PCLO: variants seen among roughly 807,000 people sequenced by gnomAD.
PCLO encodes protein piccolo.
In PCLO, 82 loss-of-function variants were observed where a neutral mutation model predicts 427.5. That is an observed-to-expected ratio of 0.19 (90% CI 0.16 to 0.23). The LOEUF is 0.23. Among genes scored for constraint, PCLO ranks in the 10% least tolerant of loss-of-function variants. The pLI, the probability that PCLO is intolerant of heterozygous loss-of-function variation, is 1.00. For missense variants in PCLO, 6,239 were observed against 6,115.9 expected (o/e 1.02, Z -0.67); for synonymous variants, 2,357 against 2,155.4 (o/e 1.09, Z -2.59).
chr7:83,038,013 A>ATATT (rs1554382342), intron 3 of PCLO, among the ~76,000 whole-genome samples: 14 of 47,266 alleles, frequency 3.0e-4, no homozygotes, highest in Non-Finnish European at 4.0e-4. Flanking sequence ...ATATATATAT[A>ATATT]TATATATATA....
At chr7:82,803,196 A>G (rs1791394424) in intron 21 of PCLO, among the ~76,000 whole-genome samples, 1 of 152,118 alleles carries the variant, frequency 6.6e-6, no homozygotes, top group South Asian at 2.1e-4. Context: ...AAAAAGCTTA[A>G]TAGCAGTAAT....
intron 3 of PCLO, among the ~76,000 whole-genome samples, chr7:83,081,156 C>T (rs1165054672): frequency 1.3e-5 from 2 of 151,832 alleles, no homozygotes; most frequent in African/African-American, 4.8e-5. Context: ...TAATGTATTT[C>T]CAACATTTTG....
chr7:83,144,825 C>G (rs2116649506), intron 2 of PCLO, among the ~76,000 whole-genome samples: 1 of 152,214 alleles, frequency 6.6e-6, no homozygotes, highest in South Asian at 2.1e-4. Context: ...AATTACAGAA[C>G]ATGTTCACAT....
At chr7:82,831,560 T>C (rs576115906) in intron 16 of PCLO, among the ~76,000 whole-genome samples, 27 of 152,292 alleles carry the variant, frequency 1.8e-4, no homozygotes, top group Admixed American at 8.5e-4. Flanking sequence ...GAAGTGAGTG[T>C]TGTGGAACAA....
chr7:83,000,519 G>A (rs187984133), intron 3 of PCLO, among the ~76,000 whole-genome samples: 29 of 152,080 alleles, frequency 1.9e-4, no homozygotes, highest in Non-Finnish European at 3.4e-4. Context: ...ATGGATGTGC[G>A]GGATGTGGGG....
chr7:82,971,956 A>G (rs1162447543), intron 3 of PCLO, among the ~76,000 whole-genome samples: 5 of 151,752 alleles, frequency 3.3e-5, no homozygotes, highest in Non-Finnish European at 7.4e-5. Flanking sequence ...GTATAAAGCA[A>G]TAAAAGTTTA....
chr7:83,135,033 C>T lies in PCLO; in HGVS notation c.2517G>A (p.Glu839=), dbSNP rs1374567558. The T allele has an allele frequency of 6.2e-7, 1 of 1,613,776 alleles. No homozygotes were observed. The highest frequency in any genetic ancestry group is 8.5e-7 in the Non-Finnish European group (1 of 1,179,876). ...KIISHPGPSS[E]SKGQKQVDPV... is the part of the protein sequence containing the mutation. ...GGTCAACTTGTTTTTGACCTTTGCT[C>T]TCTGAACTGGGACCAGGATGTGAAA... The change falls in exon 3 of 25, where the codon GAG becomes GAA. Residue 839 remains glutamate, a synonymous_variant. Transcript: ENST00000333891.
At chr7:83,102,924 G>T (rs9655919) in intron 3 of PCLO, among the ~76,000 whole-genome samples, 69,507 of 151,370 alleles carry the variant, frequency 0.46, 16,364 homozygotes, top group East Asian at 0.71. Context: ...TATTGCAGAA[G>T]AAACATAATA....
At chr7:83,062,588 T>C (rs1437342113) in intron 3 of PCLO, among the ~76,000 whole-genome samples, 1 of 152,162 alleles carries the variant, frequency 6.6e-6, no homozygotes, top group East Asian at 1.9e-4. Flanking sequence ...GTTCTGCTCA[T>C]CAACAGCAGA....
At position 83,162,535 on chromosome 7, in the gene PCLO, C is replaced by T. The variant is rs115037577; in HGVS notation, c.58G>A (p.Ala20Thr). The change falls in exon 1 of 25, where the codon GCA (alanine) becomes ACA (threonine). Residue 20 changes from alanine to threonine, a missense_variant. Physicochemically the swap from Ala to Thr is moderately conservative, Grantham distance 58. This residue lies in a region of PCLO where 4,677 missense variants were observed against 4,468.4 expected (regional missense o/e 1.05). Coordinates refer to ENST00000333891, the MANE Select transcript of PCLO (RefSeq NM_033026.6). Reference sequence around the variant, plus strand: ...CCGCTAGCTCCTCCTCCAGCCGCTGCGGCCGCCGCCAGCCCTTCGGGGAGC... The same window carrying T: ...CCGCTAGCTCCTCCTCCAGCCGCTGTGGCCGCCGCCAGCCCTTCGGGGAGC... ...EGLPEGLAAA[A>T]AAGGGASGAG... The T allele has an allele frequency of 4.1e-3, 6,328 of 1,553,770 alleles. 251 individuals are homozygous for T. The African/African-American group carries it at 0.077, about 19-fold the overall frequency.
chr7:82,969,719 T>C (rs909079049), intron 3 of PCLO, among the ~76,000 whole-genome samples: 1 of 152,048 alleles, frequency 6.6e-6, no homozygotes, highest in African/African-American at 2.4e-5. Flanking sequence ...GGAAAGTGCA[T>C]ATGCAAAGGT....
intron 22 of PCLO, among the ~76,000 whole-genome samples, chr7:82,772,945 G>A (rs1790676439): frequency 6.6e-6 from 1 of 152,080 alleles, no homozygotes; most frequent in South Asian, 2.1e-4. Context: ...CTAGAGTTTT[G>A]AAATAATTTT....
At chr7:82,780,808 A>G (rs1341503941) in intron 22 of PCLO, among the ~76,000 whole-genome samples, 2 of 152,242 alleles carry the variant, frequency 1.3e-5, no homozygotes, top group Non-Finnish European at 2.9e-5. Context: ...TCTGTTACAA[A>G]AATTTATTTT....
intron 20 of PCLO, among the ~76,000 whole-genome samples, chr7:82,819,531 A>T (rs183326880): frequency 1.1e-3 from 172 of 152,254 alleles, no homozygotes; most frequent in African/African-American, 3.8e-3. Flanking sequence ...TATTTGATGG[A>T]AGAAAAGGTG....
At chr7:82,951,578 T>A in intron 5 of PCLO, 88 bp from the exon 6 acceptor site, 7 of 927,642 alleles carry the variant, frequency 7.5e-6, no homozygotes, top group Non-Finnish European at 1.1e-5. Flanking sequence ...ATGAACATAA[T>A]GAATGAGACT....
intron 3 of PCLO, among the ~76,000 whole-genome samples, chr7:83,067,548 C>A (rs1157826865): frequency 6.6e-6 from 1 of 152,146 alleles, no homozygotes; most frequent in African/African-American, 2.4e-5. Context: ...ACTGAATCCC[C>A]TGGCTGAAGC....
chr7:83,013,709 T>C (rs1433736762), intron 3 of PCLO, among the ~76,000 whole-genome samples: 1 of 152,168 alleles, frequency 6.6e-6, no homozygotes, highest in Non-Finnish European at 1.5e-5. Flanking sequence ...AGAGACAATA[T>C]ATGGAAATGT....
chr7:83,113,054 A>T (rs1319504453), intron 3 of PCLO, among the ~76,000 whole-genome samples: 1 of 152,222 alleles, frequency 6.6e-6, no homozygotes, highest in Non-Finnish European at 1.5e-5. Context: ...ATCTGGCAGC[A>T]GTAGCTATCA....
At chr7:83,064,911 C>T (rs1789628640) in intron 3 of PCLO, among the ~76,000 whole-genome samples, 1 of 151,942 alleles carries the variant, frequency 6.6e-6, no homozygotes, top group Non-Finnish European at 1.5e-5. Context: ...GGAACAATAA[C>T]TTCTAATGGT....
Sources: allele counts gnomAD v4.1 joint callset (sites outside exome capture counted in the v4.1 genomes callset), GRCh38; gene constraint gnomAD v4.1.1; regional missense constraint gnomAD v4.1.1; transcripts MANE v1.5; gene names NCBI Gene and HGNC (gene_info 2026-07-23, HGNC 2026-07-21).